Variants in RBMS3 observed in about 807,000 individuals in gnomAD.
RBMS3 encodes RNA-binding motif, single-stranded-interacting protein 3.
Under a neutral mutation model 66.8 loss-of-function variants are expected in RBMS3, and 27 were observed. That is an observed-to-expected ratio of 0.40 (90% CI 0.30 to 0.56). The LOEUF (loss-of-function observed/expected upper bound fraction) is 0.56. RBMS3 is among the 20% of genes least tolerant of loss of function. RBMS3 has a pLI of 0.40. For synonymous variants in RBMS3, 188 were observed against 183.0 expected (o/e 1.03, Z -0.22); for missense variants, 513 against 549.5 (o/e 0.93, Z 0.66).
At chr3:29,911,734 C>T (rs1357139102) in intron 10 of RBMS3, among the ~76,000 whole-genome samples, 2 of 151,938 alleles carry the variant, frequency 1.3e-5, no homozygotes, top group African/African-American at 4.8e-5. Context: ...GTTATTCAAA[C>T]AATAAAGTAA....
At chr3:29,442,333 A>T (rs912941593) in intron 2 of RBMS3, among the ~76,000 whole-genome samples, 2 of 152,138 alleles carry the variant, frequency 1.3e-5, no homozygotes, top group African/African-American at 4.8e-5. Flanking sequence ...TTGATCACTC[A>T]TTTATTATTG....
chr3:29,478,233 A>G (rs1051064698), intron 2 of RBMS3, among the ~76,000 whole-genome samples: 2 of 152,210 alleles, frequency 1.3e-5, no homozygotes, highest in African/African-American at 4.8e-5. Context: ...TTGGGCTACT[A>G]TAGCAAAATG....
chr3:29,873,781 G>A (rs1310057439), intron 7 of RBMS3, among the ~76,000 whole-genome samples: 1 of 152,116 alleles, frequency 6.6e-6, no homozygotes, highest in Non-Finnish European at 1.5e-5. Flanking sequence ...TGTTTATTGA[G>A]AGTTTTTAAG....
intron 6 of RBMS3, among the ~76,000 whole-genome samples, chr3:29,837,593 T>TG (rs1392978655): frequency 1.9e-4 from 28 of 145,088 alleles, no homozygotes; most frequent in Non-Finnish European, 3.6e-4. Context: ...CATTAATTAA[T>TG]GGTAACAGTA....
intron 1 of RBMS3, among the ~76,000 whole-genome samples, chr3:29,349,404 A>G (rs1273895127): frequency 6.6e-6 from 1 of 152,164 alleles, no homozygotes; most frequent in Non-Finnish European, 1.5e-5. Flanking sequence ...TTGTGCCCAA[A>G]GCAGTTCATC....
intron 6 of RBMS3, among the ~76,000 whole-genome samples, chr3:29,862,084 CTAAT>C (rs1194579074): frequency 1.3e-5 from 2 of 152,196 alleles, no homozygotes; most frequent in Admixed American, 6.5e-5. Flanking sequence ...ACTGAAGTCT[CTAAT>C]TATTCAGAGT....
chr3:29,601,725 A>G lies in RBMS3; in HGVS notation c.399+14520A>G, dbSNP rs543737617. 3.3e-5 allele frequency among the ~76,000 whole-genome samples: 5 copies of G among 152,244 alleles called. No homozygotes were observed. In the East Asian group the frequency reaches 9.7e-4, roughly 29 times the overall value. On this transcript the variant is annotated intron_variant, in intron 4 of 14. Transcript: ENST00000383767. Reference sequence around the variant, plus strand: ...CACTATCTTGCACATTAAATAAACCATTAATTAGAATACTGTGAGGGACAA... The same window carrying G: ...CACTATCTTGCACATTAAATAAACCGTTAATTAGAATACTGTGAGGGACAA...
intron 2 of RBMS3, among the ~76,000 whole-genome samples, chr3:29,471,718 GTTTTTTT>G (rs397793236): frequency 2.8e-5 from 2 of 71,170 alleles, no homozygotes; most frequent in African/African-American, 1.2e-4. Flanking sequence ...TGAGGACTTA[GTTTTTTT>G]TTTTTTTTTT....
intron 11 of RBMS3, among the ~76,000 whole-genome samples, chr3:29,937,524 AAG>A (rs2061297524): frequency 6.6e-6 from 1 of 152,022 alleles, no homozygotes; most frequent in Admixed American, 6.6e-5. Context: ...ATTTAATGGA[AAG>A]AGCCACATTC....
intron 2 of RBMS3, 65 bp from the exon 3 acceptor site, chr3:29,488,376 A>T: frequency 7.3e-7 from 1 of 1,372,420 alleles, no homozygotes; most frequent in Non-Finnish European, 1.0e-6. Flanking sequence ...GATGTTCATT[A>T]GAGTGTTTTA....
intron 12 of RBMS3, among the ~76,000 whole-genome samples, chr3:29,961,416 C>T (rs1559840764): frequency 6.6e-6 from 1 of 152,158 alleles, no homozygotes; most frequent in Non-Finnish European, 1.5e-5. Context: ...GTTCCAACCT[C>T]TACGTGTTAC....
intron 6 of RBMS3, among the ~76,000 whole-genome samples, chr3:29,861,205 T>G (rs907598816): frequency 8.5e-5 from 13 of 152,320 alleles, no homozygotes; most frequent in Admixed American, 5.2e-4. Context: ...AACTTTTAGT[T>G]TTTGAGATTC....
chr3:29,375,712 G>C (rs993818355), intron 1 of RBMS3, among the ~76,000 whole-genome samples: 3 of 152,138 alleles, frequency 2.0e-5, no homozygotes, highest in Non-Finnish European at 4.4e-5. Context: ...ACAGATTCTG[G>C]CAAGGTTATG....
chr3:29,780,582 CTT>C (rs922865544), intron 6 of RBMS3, among the ~76,000 whole-genome samples: 9 of 152,040 alleles, frequency 5.9e-5, no homozygotes, highest in African/African-American at 2.2e-4. Context: ...AAATTTAACT[CTT>C]TAGTATATTT....
At chr3:29,358,373 T>C (rs1030077976) in intron 1 of RBMS3, among the ~76,000 whole-genome samples, 3 of 152,188 alleles carry the variant, frequency 2.0e-5, no homozygotes, top group African/African-American at 7.2e-5. Context: ...TGGTATTATT[T>C]CTAAGGGCTC....
chr3:29,513,389 C>T (rs554843215), intron 3 of RBMS3, among the ~76,000 whole-genome samples: 4 of 152,160 alleles, frequency 2.6e-5, no homozygotes, highest in African/African-American at 9.6e-5. Flanking sequence ...GTTTAAAATC[C>T]TTTTATTTCC....
At chr3:29,853,729 A>AT (rs1212109966) in intron 6 of RBMS3, among the ~76,000 whole-genome samples, 1 of 152,082 alleles carries the variant, frequency 6.6e-6, no homozygotes, top group Non-Finnish European at 1.5e-5. Context: ...AGGCTTAGGG[A>AT]TTCTTAGTCA....
At chr3:29,300,710 T>C (rs1451555938) in intron 1 of RBMS3, among the ~76,000 whole-genome samples, 2 of 151,956 alleles carry the variant, frequency 1.3e-5, no homozygotes, top group African/African-American at 4.8e-5. Flanking sequence ...GCATTGATTA[T>C]CACTGCAAAA....
At chr3:29,722,031 C>T (rs1325536842) in intron 4 of RBMS3, among the ~76,000 whole-genome samples, 3 of 152,068 alleles carry the variant, frequency 2.0e-5, no homozygotes, top group African/African-American at 2.4e-5. Flanking sequence ...TGCTGAATTT[C>T]GTGTTTGGTA....
Sources: allele counts gnomAD v4.1 joint callset (sites outside exome capture counted in the v4.1 genomes callset), GRCh38; gene constraint gnomAD v4.1.1; transcripts MANE v1.5; gene names NCBI Gene and HGNC (gene_info 2026-07-23, HGNC 2026-07-21).